The following RPAIN variants were observed in gnomAD, a reference collection of about 807,000 sequenced individuals.
RPAIN encodes RPA interacting protein, also known as RPA-interacting protein.
A neutral mutation model predicts 30.5 loss-of-function variants in RPAIN; 29 were observed. That is an observed-to-expected ratio of 0.95 (90% CI 0.71 to 1.30). The LOEUF (loss-of-function observed/expected upper bound fraction) is 1.30. Ranked by LOEUF, RPAIN falls within the 50% of genes most tolerant of loss-of-function variation. The pLI is 0.00. For synonymous variants in RPAIN, 101 were observed against 93.5 expected (o/e 1.08, Z -0.46); for missense variants, 247 against 264.7 (o/e 0.93, Z 0.46).
At chr17:5,427,111 T>C (rs1915473138) in intron 5 of RPAIN, 2 of 152,204 alleles carry the variant, frequency 1.3e-5, no homozygotes, top group Non-Finnish European at 2.9e-5. Flanking sequence ...GGGGCCCTGC[T>C]GATTGGAGAG....
At chr17:5,428,277 A>G (rs752117667) in intron 6 of RPAIN, 66 bp downstream of exon 6, 1 of 1,611,632 alleles carries the variant, frequency 6.2e-7, no homozygotes. Flanking sequence ...TCCCACCTTG[A>G]TAGAAATAAT....
chr17:5,420,284 T>C lies in RPAIN; in HGVS notation c.74T>C (p.Phe25Ser), dbSNP rs756187934. 12 of 1,613,456 alleles carry C rather than the reference T, an allele frequency of 7.4e-6. No homozygotes were observed. The highest frequency in any genetic ancestry group is 2.2e-5 in the East Asian group (1 of 44,858). The stretch of plus-strand genomic sequence containing the variant: ...GGCTCGCCGCCTTGGAAAGAGGCTT[T>C]CCGGCAGGTGGGTATGGGGTTTGTG... ...LVGSPPWKEA[F>S]RQRCLERMRN... The change falls in exon 1 of 7, where the codon TTC becomes TCC. Residue 25 changes from phenylalanine (F) to serine (S), a missense_variant. Physicochemically the swap from Phe to Ser is radical, Grantham distance 155 (BLOSUM62 -2). Coordinates refer to ENST00000381209, the MANE Select transcript of RPAIN (RefSeq NM_001033002.4).
chr17:5,421,989 T>C (rs1181649160), intron 2 of RPAIN: 3 of 152,600 alleles, frequency 2.0e-5, no homozygotes, highest in South Asian at 2.1e-4. Context: ...GGTTTCACCA[T>C]GTTGGCCAGG....
chr17:5,432,384 G>A, intron 6 of RPAIN, 158 bp from the exon 7 acceptor site: 1 of 660,516 alleles, frequency 1.5e-6, no homozygotes, highest in Non-Finnish European at 2.7e-6. Flanking sequence ...ATGCCAAAGA[G>A]GGGCGGTCAT....
intron 6 of RPAIN, chr17:5,431,812 C>T (rs2151673760): frequency 2.8e-6 from 1 of 363,180 alleles, no homozygotes; most frequent in Non-Finnish European, 5.4e-6. Context: ...AGCAGAGTTA[C>T]AGTGTCTTTT....
At chr17:5,432,296 T>C (rs1916052619) in intron 6 of RPAIN, 7 of 459,088 alleles carry the variant, frequency 1.5e-5, no homozygotes, top group African/African-American at 9.8e-5. Flanking sequence ...TCTACAGGAT[T>C]TGATCTTAGC....
chr17:5,427,099 G>A (rs959479491), intron 5 of RPAIN: 3 of 152,120 alleles, frequency 2.0e-5, no homozygotes, highest in Admixed American at 6.6e-5. Context: ...CAGCCTTTGA[G>A]TGGGGCCCTG....
At chr17:5,432,294 A>C (rs964999236) in intron 6 of RPAIN, 4 of 457,732 alleles carry the variant, frequency 8.7e-6, no homozygotes, top group Non-Finnish European at 1.2e-5. Context: ...CATCTACAGG[A>C]TTTGATCTTA....
chr17:5,425,483 G>T, intron 3 of RPAIN: 1 of 378,572 alleles, frequency 2.6e-6, no homozygotes, highest in Non-Finnish European at 5.1e-6. Flanking sequence ...TTATAGACGT[G>T]CGCCACATGC....
At chr17:5,423,390 T>C (rs936783245) in intron 3 of RPAIN, among the ~76,000 whole-genome samples, 1 of 149,688 alleles carries the variant, frequency 6.7e-6, no homozygotes, top group African/African-American at 2.5e-5. Flanking sequence ...TGGTAGCAAA[T>C]ACTTGTAGCC....
chr17:5,428,532 G>A, intron 6 of RPAIN: 1 of 1,320,172 alleles, frequency 7.6e-7, no homozygotes, highest in South Asian at 1.6e-5. Context: ...GACCCAGATA[G>A]GCCATGCTGG....
At chr17:5,422,983 C>T in intron 3 of RPAIN, 154 bp downstream of exon 3, 1 of 602,922 alleles carries the variant, frequency 1.7e-6, no homozygotes. Context: ...TCTTGGCTGT[C>T]TAGCTTCTCA....
intron 6 of RPAIN, 133 bp from the exon 7 acceptor site, chr17:5,432,409 C>A: frequency 1.2e-6 from 1 of 820,450 alleles, no homozygotes; most frequent in Non-Finnish European, 2.1e-6. Flanking sequence ...ACAAACTACA[C>A]TACTGAACTA....
chr17:5,431,380 G>A (rs60670077), intron 6 of RPAIN: 32,183 of 443,840 alleles, frequency 0.073, 1,683 homozygotes, highest in South Asian at 0.16. Flanking sequence ...CCAGCTACTC[G>A]GAAGGCTGAA....
At chr17:5,428,660 G>A (rs1344320564) in intron 6 of RPAIN, 2 of 828,910 alleles carry the variant, frequency 2.4e-6, no homozygotes, top group African/African-American at 1.8e-5. Flanking sequence ...GACAACTGAG[G>A]TGTGAGGGCC....
intron 6 of RPAIN, 63 bp downstream of exon 6, chr17:5,428,274 T>A (rs780930287): frequency 6.2e-7 from 1 of 1,612,182 alleles, no homozygotes; most frequent in Non-Finnish European, 8.5e-7. Flanking sequence ...TATTCCCACC[T>A]TGATAGAAAT....
At chr17:5,426,714 C>T (rs1480808093) in intron 5 of RPAIN, 1 of 148,874 alleles carries the variant, frequency 6.7e-6, no homozygotes, top group African/African-American at 2.5e-5. Context: ...GATTTAGGCT[C>T]ACTGCAACCT....
intron 2 of RPAIN, among the ~76,000 whole-genome samples, chr17:5,422,376 C>T (rs1306619496): frequency 6.6e-6 from 1 of 152,146 alleles, no homozygotes; most frequent in South Asian, 2.1e-4. Flanking sequence ...TGCAGTACAC[C>T]AATGTTTGCC....
intron 6 of RPAIN, chr17:5,431,471 C>T (rs537392575): frequency 4.8e-5 from 19 of 393,714 alleles, no homozygotes; most frequent in Admixed American, 3.8e-4. Flanking sequence ...TGGGTGACAG[C>T]GAGATTGTGC....
Sources: allele counts gnomAD v4.1 joint callset (sites outside exome capture counted in the v4.1 genomes callset), GRCh38; gene constraint gnomAD v4.1.1; transcripts MANE v1.5; gene names NCBI Gene and HGNC (gene_info 2026-07-23, HGNC 2026-07-21).